The following PDCD10 variants were observed in gnomAD, a reference collection of about 807,000 sequenced individuals.
The protein encoded by PDCD10 is programmed cell death 10.
A neutral mutation model predicts 29.2 loss-of-function variants in PDCD10; 4 were observed. That is an observed-to-expected ratio of 0.14 (90% CI 0.07 to 0.31). The LOEUF is 0.31. PDCD10 is among the 10% of genes least tolerant of loss of function. The probability of loss-of-function intolerance (pLI) is 1.00; values close to 1 mark genes in which losing one functional copy is unlikely to be tolerated. For synonymous variants in PDCD10, 70 were observed against 82.2 expected (o/e 0.85, Z 0.80); for missense variants, 183 against 257.9 (o/e 0.71, Z 1.99).
intron 5 of PDCD10, among the ~76,000 whole-genome samples, chr3:167,696,170 T>C (rs1375719561): frequency 1.3e-5 from 2 of 152,148 alleles, no homozygotes; most frequent in African/African-American, 4.8e-5. Flanking sequence ...TATACATTGC[T>C]TCATCATATT....
At chr3:167,697,183 C>T in intron 4 of PDCD10, 57 bp from the exon 5 acceptor site, 4 of 950,918 alleles carry the variant, frequency 4.2e-6, no homozygotes, top group African/African-American at 3.2e-5. Context: ...CATTTTAAAG[C>T]CAAAGTTTAA....
chr3:167,731,692 C>A (rs1577383084), intron 2 of PDCD10, among the ~76,000 whole-genome samples: 1 of 152,128 alleles, frequency 6.6e-6, no homozygotes, highest in South Asian at 2.1e-4. Context: ...GAGGGCCCTG[C>A]TCAGGGAGCT....
At chr3:167,703,337 A>G (rs187825664) in intron 4 of PDCD10, among the ~76,000 whole-genome samples, 6 of 152,234 alleles carry the variant, frequency 3.9e-5, no homozygotes, top group Non-Finnish European at 1.5e-5. Context: ...GCAGGATGCA[A>G]TTTAATGAAG....
At chr3:167,703,580 A>C (rs1213509182) in intron 4 of PDCD10, among the ~76,000 whole-genome samples, 1 of 152,154 alleles carries the variant, frequency 6.6e-6, no homozygotes, top group Non-Finnish European at 1.5e-5. Flanking sequence ...TTTAAACATT[A>C]AAATACTTTA....
At chr3:167,708,917 T>C (rs1393522694) in intron 3 of PDCD10, among the ~76,000 whole-genome samples, 1 of 152,220 alleles carries the variant, frequency 6.6e-6, no homozygotes, top group Non-Finnish European at 1.5e-5. Flanking sequence ...AACTTACTTA[T>C]TTCACAGAGT....
intron 3 of PDCD10, among the ~76,000 whole-genome samples, chr3:167,716,294 A>C (rs1723004829): frequency 6.6e-6 from 1 of 151,942 alleles, no homozygotes; most frequent in Non-Finnish European, 1.5e-5. Flanking sequence ...AGAAGAAGTG[A>C]GGATGGTTAA....
chr3:167,716,889 GGAAAA>G (rs1260029334), intron 3 of PDCD10, among the ~76,000 whole-genome samples: 1 of 151,702 alleles, frequency 6.6e-6, no homozygotes, highest in Non-Finnish European at 1.5e-5. Context: ...AATGGTCTTA[GGAAAA>G]GAAAACACAA....
chr3:167,696,472 A>G (rs986524454), intron 5 of PDCD10, among the ~76,000 whole-genome samples: 6 of 152,206 alleles, frequency 3.9e-5, no homozygotes, highest in Non-Finnish European at 5.9e-5. Context: ...TAATTCTGGG[A>G]AATTATATGT....
intron 2 of PDCD10, among the ~76,000 whole-genome samples, chr3:167,721,371 A>C (rs1215851003): frequency 6.6e-6 from 1 of 152,174 alleles, no homozygotes; most frequent in African/African-American, 2.4e-5. Context: ...ATACTCTCAC[A>C]TAACAAAACC....
intron 2 of PDCD10, among the ~76,000 whole-genome samples, chr3:167,723,760 G>A (rs957374574): frequency 6.6e-6 from 1 of 152,184 alleles, no homozygotes; most frequent in African/African-American, 2.4e-5. Context: ...AACAAGAAAT[G>A]TTGAAAGAAC....
intron 2 of PDCD10, among the ~76,000 whole-genome samples, chr3:167,729,216 C>T (rs1724535621): frequency 6.6e-6 from 1 of 152,096 alleles, no homozygotes; most frequent in Non-Finnish European, 1.5e-5. Context: ...AAACACTTCA[C>T]CTGGTACTCA....
Position 167,684,317 on chromosome 3 carries a change from A to C in PDCD10, c.630T>G (p.Thr210=), listed in dbSNP as rs1002741108. The C allele has an allele frequency of 6.3e-7, 1 of 1,584,026 alleles. No homozygotes were observed. Among genetic ancestry groups the C allele is most frequent in the Non-Finnish European group, 8.7e-7 (1 of 1,152,852 alleles). The part of the protein sequence containing the change: ...QTNLILQTFK[T]VA ...TTAACATATACAACTTTCAGGCCAC[A>C]GTTTTGAAGGTCTGAAGTATTAAGT... The change falls in exon 9 of 9, where the codon ACT becomes ACG. Residue 210 remains threonine (T), a synonymous_variant. Transcript: ENST00000392750.
chr3:167,709,147 GA>G (rs376090549), intron 3 of PDCD10, among the ~76,000 whole-genome samples: 2,232 of 146,704 alleles, frequency 0.015, 50 homozygotes, highest in African/African-American at 0.053. Context: ...ATCTTAACAT[GA>G]AAAAAAAAAA....
Position 167,729,392 on chromosome 3 carries a change from T to G in PDCD10, c.-117+4822A>C, listed in dbSNP as rs115760680. ...ATAACTGCTCTGTAACTACAACTCT[T>G]AATGCTAATTTCTCTCTCCAATGCA... is the stretch of plus-strand genomic sequence containing the variant. On this transcript the variant is annotated intron_variant, in intron 2 of 8. Transcript: ENST00000392750. Among the ~76,000 whole-genome samples, 904 of 152,324 alleles carry G rather than the reference T, an allele frequency of 5.9e-3. 12 individuals are homozygous for G. The highest frequency in any genetic ancestry group is 0.021 in the African/African-American group (854 of 41,584).
At position 167,695,626 on chromosome 3, in the gene PDCD10, T is replaced by C. The variant is rs752568674; in HGVS notation, c.365A>G (p.Asn122Ser). Residue 122 changes from asparagine (N) to serine (S), a missense_variant, in exon 6 of 9, where the codon AAT (asparagine) becomes AGT (serine). Coordinates refer to ENST00000392750, the MANE Select transcript of PDCD10 (RefSeq NM_007217.4). ...TGTCTGCAGAAACCTCACTCTGTCA[T>C]TGATCTCATCTGGGATCTTACTGAG... is the stretch of plus-strand genomic sequence containing the variant. ...QILSKIPDEINDRVRFLQTIK... is the reference protein window; with the variant it reads ...QILSKIPDEISDRVRFLQTIK... 4 of 1,613,272 alleles carry C rather than the reference T, an allele frequency of 2.5e-6. No homozygotes were observed. Among genetic ancestry groups the C allele is most frequent in the East Asian group, 2.2e-5 (1 of 44,864 alleles).
chr3:167,716,015 C>A (rs986498514), intron 3 of PDCD10, among the ~76,000 whole-genome samples: 5 of 151,980 alleles, frequency 3.3e-5, no homozygotes, highest in Non-Finnish European at 5.9e-5. Flanking sequence ...GATTTTGAAG[C>A]AACCTAAGTG....
chr3:167,687,234 T>C lies in PDCD10; in HGVS notation c.557A>G (p.Lys186Arg), dbSNP rs1719722974. 7.1e-7 allele frequency: 1 copy of C among 1,404,708 alleles called. No individual in the cohort carries two copies. The highest frequency in any genetic ancestry group is 1.0e-6 in the Non-Finnish European group (1 of 989,936). The allele number at this position is 1,404,708 out of a possible 1,614,324, so 87.0% of individuals were successfully genotyped here. ...GTAAAGGATAAATTACAGTACTTAC[T>C]TGCCATCTTTAAAATACGTTTTCAG... ...DTLKTYFKDG[K>R]AINVFVSANR... The change falls in exon 8 of 9, where the codon AAG becomes AGG. Residue 186 changes from lysine (K) to arginine (R), a missense_variant and splice_region_variant. Transcript: ENST00000392750.
At chr3:167,711,993 G>C (rs377596370) in intron 3 of PDCD10, among the ~76,000 whole-genome samples, 3 of 152,068 alleles carry the variant, frequency 2.0e-5, no homozygotes, top group East Asian at 3.9e-4. Flanking sequence ...CACTAGACTT[G>C]TCCTAGAAGA....
At chr3:167,727,238 TTAC>T (rs1724282933) in intron 2 of PDCD10, among the ~76,000 whole-genome samples, 1 of 152,300 alleles carries the variant, frequency 6.6e-6, no homozygotes, top group Admixed American at 6.5e-5. Context: ...AAAGAGCTCA[TTAC>T]CTCAGAATTA....
Sources: allele counts gnomAD v4.1 joint callset (sites outside exome capture counted in the v4.1 genomes callset), GRCh38; gene constraint gnomAD v4.1.1; transcripts MANE v1.5; gene names NCBI Gene and HGNC (gene_info 2026-07-23, HGNC 2026-07-21).